Variants in HNF4A observed in about 807,000 individuals in gnomAD.
HNF4A encodes hepatocyte nuclear factor 4-alpha.
A neutral mutation model predicts 52.4 loss-of-function variants in HNF4A; 15 were observed. The ratio of observed to expected loss-of-function variants is 0.29; its 90% CI spans 0.19 to 0.44. HNF4A has a LOEUF of 0.44. HNF4A is among the 20% of genes least tolerant of loss of function. The probability of loss-of-function intolerance (pLI) is 1.00; values close to 1 mark genes in which losing one functional copy is unlikely to be tolerated. For missense variants in HNF4A, 479 were observed against 647.2 expected, an observed-to-expected ratio of 0.74 and a Z score of 2.82; for synonymous variants, 280 against 264.4, an observed-to-expected ratio of 1.06 and a Z score of -0.57.
At chr20:44,417,050 G>A (rs181428839) in intron 5 of HNF4A, among the ~76,000 whole-genome samples, 3 of 152,306 alleles carry the variant, frequency 2.0e-5, no homozygotes, top group South Asian at 2.1e-4. Flanking sequence ...CTTGTCTCTC[G>A]TTTTTAAACA....
chr20:44,424,272 G>C lies in HNF4A; in HGVS notation c.1129+18G>C. 6.2e-7 allele frequency: 1 copy of C among 1,613,174 alleles called. No individual in the cohort carries two copies. Among genetic ancestry groups the C allele is most frequent in the Non-Finnish European group, 8.5e-7 (1 of 1,179,726 alleles). ...GCTGGGAGGTCCGTGCCAAGCCCAG[G>C]AGGGGCGGGGTTGGAGTGGGGACTC... On this transcript the variant is annotated intron_variant, in intron 8 of 9. Transcript: ENST00000316099.
At chr20:44,414,056 A>C (rs1165324415) in intron 4 of HNF4A, among the ~76,000 whole-genome samples, 10 of 152,192 alleles carry the variant, frequency 6.6e-5, no homozygotes, top group African/African-American at 2.2e-4. Context: ...CTTCACCTTC[A>C]CTGAGGGCCT....
intron 1 of HNF4A, chr20:44,402,542 G>T (rs983664600): frequency 1.1e-5 from 15 of 1,362,034 alleles, no homozygotes; most frequent in Non-Finnish European, 1.3e-5. Flanking sequence ...ATGTCCGTTT[G>T]TCTCTGAGCA....
At chr20:44,428,570 G>A in intron 9 of HNF4A, 83 bp downstream of exon 9, 2 of 1,369,124 alleles carry the variant, frequency 1.5e-6, no homozygotes, top group Non-Finnish European at 2.0e-6. Flanking sequence ...AGTCTAGAAG[G>A]TAGAACCAGG....
At chr20:44,379,975 G>A (rs748680980) in intron 1 of HNF4A, among the ~76,000 whole-genome samples, 8 of 151,818 alleles carry the variant, frequency 5.3e-5, no homozygotes, top group South Asian at 4.2e-4. Flanking sequence ...CTCGTGATCC[G>A]CCCGCCTTGG....
chr20:44,367,090 C>A (rs2146186862), intron 1 of HNF4A, among the ~76,000 whole-genome samples: 1 of 152,314 alleles, frequency 6.6e-6, no homozygotes, highest in African/African-American at 2.4e-5. Flanking sequence ...AATCCCAACA[C>A]TTTTGGAGGC....
chr20:44,360,386 A>G (rs1042161094), intron 1 of HNF4A, among the ~76,000 whole-genome samples: 10 of 152,092 alleles, frequency 6.6e-5, no homozygotes, highest in African/African-American at 2.4e-4. Context: ...ATGGATTAAT[A>G]AAAAGATGTT....
At chr20:44,420,267 G>A (rs1568737402) in intron 7 of HNF4A, among the ~76,000 whole-genome samples, 1 of 152,044 alleles carries the variant, frequency 6.6e-6, no homozygotes, top group Non-Finnish European at 1.5e-5. Context: ...GGGAGGCGGA[G>A]GTTGCAGTGA....
At chr20:44,367,395 C>T (rs1279825933) in intron 1 of HNF4A, among the ~76,000 whole-genome samples, 1 of 151,134 alleles carries the variant, frequency 6.6e-6, no homozygotes, top group Non-Finnish European at 1.5e-5. Flanking sequence ...CCTGTAATCC[C>T]AGCACTTTGA....
chr20:44,428,571 T>C, intron 9 of HNF4A, 84 bp downstream of exon 9: 1 of 1,367,710 alleles, frequency 7.3e-7, no homozygotes, highest in Non-Finnish European at 1.0e-6. Context: ...GTCTAGAAGG[T>C]AGAACCAGGA....
At chr20:44,362,597 T>C (rs1406850144) in intron 1 of HNF4A, among the ~76,000 whole-genome samples, 2 of 152,088 alleles carry the variant, frequency 1.3e-5, no homozygotes, top group African/African-American at 4.8e-5. Flanking sequence ...TGATATGTTT[T>C]CTCCCTTTTA....
At chr20:44,425,881 A>G (rs1328892702) in intron 8 of HNF4A, among the ~76,000 whole-genome samples, 1 of 152,026 alleles carries the variant, frequency 6.6e-6, no homozygotes, top group East Asian at 1.9e-4. Flanking sequence ...GCTGGTCTTG[A>G]ACTCCTAGCC....
At chr20:44,358,684 A>T (rs1357880559) in intron 1 of HNF4A, among the ~76,000 whole-genome samples, 3 of 152,196 alleles carry the variant, frequency 2.0e-5, no homozygotes, top group Non-Finnish European at 2.9e-5. Flanking sequence ...AATGGGGATA[A>T]CATTAATCAT....
chr20:44,373,980 G>A (rs1309275633), intron 1 of HNF4A, among the ~76,000 whole-genome samples: 1 of 152,142 alleles, frequency 6.6e-6, no homozygotes, highest in Admixed American at 6.5e-5. Context: ...GTGAGCCACT[G>A]CACCAGGCCT....
chr20:44,375,175 C>G (rs562100958), intron 1 of HNF4A, among the ~76,000 whole-genome samples: 7 of 151,692 alleles, frequency 4.6e-5, no homozygotes, highest in Admixed American at 4.6e-4. Context: ...GCCGCTTGTA[C>G]ATCTTCTTTT....
chr20:44,360,281 G>A (rs1304854184), intron 1 of HNF4A, among the ~76,000 whole-genome samples: 1 of 152,156 alleles, frequency 6.6e-6, no homozygotes, highest in Admixed American at 6.6e-5. Flanking sequence ...TAGATGGGTG[G>A]AGGGATGCAT....
At chr20:44,363,704 CTCTTTTT>C (rs1438037902) in intron 1 of HNF4A, among the ~76,000 whole-genome samples, 24 of 140,224 alleles carry the variant, frequency 1.7e-4, no homozygotes, top group Non-Finnish European at 2.7e-4. Flanking sequence ...TCTCCATCTA[CTCTTTTT>C]TTTTTTTTTT....
At chr20:44,426,623 C>A (rs902930946) in intron 8 of HNF4A, among the ~76,000 whole-genome samples, 1 of 151,822 alleles carries the variant, frequency 6.6e-6, no homozygotes, top group Non-Finnish European at 1.5e-5. Flanking sequence ...GGCAACACAG[C>A]AAAACACCAT....
At position 44,428,273 on chromosome 20, in the gene HNF4A, G is replaced by A. The variant is rs116824355; in HGVS notation, c.1130-62G>A. ...ATTGGCCACGCCTGAGGAAGATGGC[G>A]TCCCAAGGCCTGAGGTCTGCATCCC... On this transcript the variant is annotated intron_variant, in intron 8 of 9. Transcript: ENST00000316099. 238 of 1,572,670 alleles carry A rather than the reference G, an allele frequency of 1.5e-4. 2 individuals are homozygous for A. The highest frequency in any genetic ancestry group is 9.0e-4 in the African/African-American group (67 of 74,190).
Sources: gnomAD v4.1 joint callset for allele counts (sites outside exome capture counted in the v4.1 genomes callset) on GRCh38, gnomAD v4.1.1 for gene constraint, MANE v1.5 for transcripts, NCBI Gene and HGNC (gene_info 2026-07-23, HGNC 2026-07-21) for gene names.